The following SGCD variants were observed in gnomAD, a reference collection of about 807,000 sequenced individuals.
SGCD encodes the protein sarcoglycan delta.
A neutral mutation model predicts 36.6 loss-of-function variants in SGCD; 18 were observed. That is an observed-to-expected ratio of 0.49 (90% confidence interval 0.34 to 0.73). The LOEUF is 0.73. Among genes scored for constraint, SGCD ranks in the 30% least tolerant of loss-of-function variants. The pLI, the probability that SGCD is intolerant of heterozygous loss-of-function variation, is 0.01. For synonymous variants in SGCD, 133 were observed against 130.6 expected (o/e 1.02, Z -0.12); for missense variants, 387 against 346.7 (o/e 1.12, Z -0.92).
intron 1 of SGCD, among the ~76,000 whole-genome samples, chr5:156,061,688 A>G (rs1314043098): frequency 2.1e-5 from 3 of 145,712 alleles, no homozygotes; most frequent in Non-Finnish European, 4.6e-5. Context: ...GTTAATTAGG[A>G]AGAAATAGAA....
At chr5:156,629,436 C>A (rs183631392) in intron 6 of SGCD, among the ~76,000 whole-genome samples, 50 of 152,286 alleles carry the variant, frequency 3.3e-4, no homozygotes, top group African/African-American at 1.2e-3. Flanking sequence ...AAAATCCCCC[C>A]AGGAAAATCA....
the SGCD span, among the ~76,000 whole-genome samples, chr5:155,785,045 C>T: frequency 1.3e-5 from 2 of 151,756 alleles, no homozygotes; most frequent in African/African-American, 2.4e-5. Flanking sequence ...GGGCACATAC[C>T]CCAGAGAAAT....
intron 7 of SGCD, among the ~76,000 whole-genome samples, chr5:156,648,903 A>G (rs1313161142): frequency 1.3e-5 from 2 of 152,156 alleles, no homozygotes; most frequent in African/African-American, 4.8e-5. Flanking sequence ...CTTTTGAGAC[A>G]AGCTAATCAG....
At position 156,424,055 on chromosome 5, in the gene SGCD, A is replaced by G. The variant is rs953476140; in HGVS notation, c.192+79378A>G. 5.9e-5 allele frequency among the ~76,000 whole-genome samples: 9 copies of G among 152,088 alleles called. No individual in the cohort carries two copies. In the East Asian group the frequency reaches 1.7e-3, roughly 29 times the overall value. On this transcript the variant is annotated intron_variant, in intron 3 of 8. Coordinates refer to ENST00000337851, the MANE Select transcript of SGCD (RefSeq NM_000337.6). ...TATTATTGATCTGTACAGGGCTCTA[A>G]TCTTATTTTAAAAGTAAAATACTTT... is the stretch of plus-strand genomic sequence containing the variant.
At chr5:156,204,267 T>C (rs1764216939) in intron 3 of SGCD, among the ~76,000 whole-genome samples, 1 of 152,050 alleles carries the variant, frequency 6.6e-6, no homozygotes, top group African/African-American at 2.4e-5. Flanking sequence ...AGCTTTTTGT[T>C]ATGTAGTAAG....
intron 3 of SGCD, among the ~76,000 whole-genome samples, chr5:156,232,894 A>C (rs1017831238): frequency 1.3e-5 from 2 of 152,202 alleles, no homozygotes; most frequent in Non-Finnish European, 2.9e-5. Flanking sequence ...CCATCAGAAA[A>C]GACTGGAGAC....
intron 1 of SGCD, among the ~76,000 whole-genome samples, chr5:156,113,491 C>T (rs1446611212): frequency 6.6e-6 from 1 of 152,170 alleles, no homozygotes; most frequent in East Asian, 1.9e-4. Context: ...CCTCAGCATG[C>T]TGCCTACCTA....
At chr5:156,075,939 C>T (rs151199282) in intron 1 of SGCD, among the ~76,000 whole-genome samples, 1 of 152,220 alleles carries the variant, frequency 6.6e-6, no homozygotes, top group African/African-American at 2.4e-5. Context: ...TTTGGGGCTT[C>T]CACACAGATG....
At chr5:156,695,016 T>A (rs993073774) in intron 7 of SGCD, among the ~76,000 whole-genome samples, 2 of 152,196 alleles carry the variant, frequency 1.3e-5, no homozygotes, top group African/African-American at 4.8e-5. Context: ...GTTTCCTTCC[T>A]TCTTAACTGC....
At chr5:156,698,870 C>CACAT (rs1754422473) in intron 7 of SGCD, among the ~76,000 whole-genome samples, 3 of 150,968 alleles carry the variant, frequency 2.0e-5, no homozygotes, top group African/African-American at 7.4e-5. Flanking sequence ...CACACACACA[C>CACAT]ACACACACAC....
At chr5:155,888,466 T>C (rs532072820) in intron 1 of SGCD, among the ~76,000 whole-genome samples, 1 of 152,274 alleles carries the variant, frequency 6.6e-6, no homozygotes, top group African/African-American at 2.4e-5. Flanking sequence ...TTATCCAATA[T>C]AGATTTGATG....
chr5:156,474,339 G>T (rs1463579354), intron 3 of SGCD, among the ~76,000 whole-genome samples: 1 of 152,218 alleles, frequency 6.6e-6, no homozygotes, highest in African/African-American at 2.4e-5. Flanking sequence ...CGTGTGTCAG[G>T]ATCTCACCCA....
the SGCD span, among the ~76,000 whole-genome samples, chr5:155,738,845 G>T: frequency 1.3e-5 from 2 of 149,042 alleles, no homozygotes; most frequent in Non-Finnish European, 3.0e-5. Flanking sequence ...CTGTGAGAGA[G>T]TATGTATATG....
chr5:155,786,746 A>G, the SGCD span, among the ~76,000 whole-genome samples: 2 of 152,200 alleles, frequency 1.3e-5, no homozygotes, highest in East Asian at 1.9e-4. Flanking sequence ...CTTAATTTTA[A>G]TAAAGCATAA....
At chr5:156,654,103 G>A (rs772907555) in intron 7 of SGCD, among the ~76,000 whole-genome samples, 7 of 152,044 alleles carry the variant, frequency 4.6e-5, no homozygotes, top group Admixed American at 6.6e-5. Flanking sequence ...GGCAGAAAAG[G>A]CATAATAAAA....
chr5:156,176,985 A>C (rs1201403809), intron 3 of SGCD, among the ~76,000 whole-genome samples: 1 of 152,142 alleles, frequency 6.6e-6, no homozygotes, highest in Non-Finnish European at 1.5e-5. Context: ...ACAAAAACAA[A>C]TTAAGGTAAT....
intron 6 of SGCD, among the ~76,000 whole-genome samples, chr5:156,598,224 A>G (rs1761015381): frequency 6.6e-6 from 1 of 152,152 alleles, no homozygotes; most frequent in South Asian, 2.1e-4. Context: ...AGGGAAACCC[A>G]GAGACTTCGA....
the SGCD span, among the ~76,000 whole-genome samples, chr5:155,852,507 T>C: frequency 1.3e-5 from 2 of 152,294 alleles, no homozygotes; most frequent in Admixed American, 6.5e-5. Flanking sequence ...TTCTCTATGG[T>C]AAATAATATT....
chr5:155,919,400 A>T (rs547291992), intron 1 of SGCD, among the ~76,000 whole-genome samples: 1 of 152,192 alleles, frequency 6.6e-6, no homozygotes, highest in African/African-American at 2.4e-5. Flanking sequence ...GCAGAGAGGG[A>T]TTTGCCTCAG....
Sources: gnomAD v4.1 joint callset for allele counts (sites outside exome capture counted in the v4.1 genomes callset) on GRCh38, gnomAD v4.1.1 for gene constraint, MANE v1.5 for transcripts, NCBI Gene and HGNC (gene_info 2026-07-23, HGNC 2026-07-21) for gene names.